ZZEF1: variants seen among roughly 807,000 people sequenced by gnomAD.
The protein encoded by ZZEF1 is zinc finger ZZ-type and EF-hand domain-containing protein 1.
In ZZEF1, 157 loss-of-function variants were observed where a neutral mutation model predicts 342.8. The ratio of observed to expected loss-of-function variants is 0.46; its 90% CI spans 0.40 to 0.52. The LOEUF (loss-of-function observed/expected upper bound fraction) is 0.52. Among genes scored for constraint, ZZEF1 ranks in the 20% least tolerant of loss-of-function variants. The pLI, the probability that ZZEF1 is intolerant of heterozygous loss-of-function variation, is 0.00. For missense variants in ZZEF1, 3,480 were observed against 3,725.6 expected, an observed-to-expected ratio of 0.93 and a Z score of 1.72; for synonymous variants, 1,505 against 1,429.1, an observed-to-expected ratio of 1.05 and a Z score of -1.20.
intron 11 of ZZEF1, among the ~76,000 whole-genome samples, chr17:4,093,456 T>C (rs754584729): frequency 5.9e-5 from 9 of 152,248 alleles, no homozygotes; most frequent in African/African-American, 2.2e-4. Context: ...CCATCAACGG[T>C]ATTGTAGAGA....
At chr17:4,114,771 G>A (rs568042263) in intron 3 of ZZEF1, among the ~76,000 whole-genome samples, 1 of 152,192 alleles carries the variant, frequency 6.6e-6, no homozygotes, top group South Asian at 2.1e-4. Flanking sequence ...CTCTATCAGT[G>A]CAATTCTTTA....
In ZZEF1 at chr17:4,142,800, GCC is replaced by G; in HGVS notation, c.94_95del (p.Gly32HisfsTer81). 7.1e-7 allele frequency: 1 copy of G among 1,408,034 alleles called. No homozygotes were observed. Among genetic ancestry groups the G allele is most frequent in the Non-Finnish European group, 9.1e-7 (1 of 1,093,052 alleles). The allele number at this position is 1,408,034 out of a possible 1,614,324, so 87.2% of individuals were successfully genotyped here. ...CCGCGACGCCCGGGCCGGGGGTCGT[GCC>G]CGAGACCGCGGCCCAGTCCTGGTGT... ...GPHQDWAAVSGTTPGPGVAAP... is the reference protein window; with the variant it reads ...GPHQDWAAVSXTTPGPGVAAP... On this transcript the variant is annotated frameshift_variant, in exon 1 of 55. Transcript: ENST00000381638. LOFTEE classifies it high-confidence loss of function.
chr17:4,094,980 A>G (rs908666553), intron 11 of ZZEF1, among the ~76,000 whole-genome samples: 6 of 152,288 alleles, frequency 3.9e-5, no homozygotes, highest in African/African-American at 1.4e-4. Flanking sequence ...TTTTCTGGAA[A>G]TGCCTCAACA....
At chr17:4,056,144 C>CA in intron 33 of ZZEF1, 72 bp downstream of exon 33, 1 of 1,383,032 alleles carries the variant, frequency 7.2e-7, no homozygotes, top group Non-Finnish European at 9.5e-7. Flanking sequence ...CCTGCCAGAA[C>CA]CCCCCCAGGC....
chr17:4,143,002 A>G lies in ZZEF1; in HGVS notation c.-107T>C, dbSNP rs957899497. 7.1e-6 allele frequency: 9 copies of G among 1,269,100 alleles called. No homozygotes were observed. In the African/African-American group the frequency reaches 1.4e-4, roughly 20 times the overall value. The allele number at this position is 1,269,100 out of a possible 1,614,324, so 78.6% of individuals were successfully genotyped here. A position where few individuals can be genotyped will look rare whatever the true frequency, so the allele number is the denominator to read the frequency against. On this transcript the variant is annotated 5_prime_UTR_variant, in exon 1 of 55. Transcript: ENST00000381638. ...GGCGGGCGGGGACGCGGAGGAGACG[A>G]CGGCGGCCCCTGCGGCTTCCGGCTT...
intron 40 of ZZEF1, chr17:4,033,346 TTTA>T (rs148123729): frequency 1.6e-5 from 3 of 189,074 alleles, no homozygotes; most frequent in East Asian, 1.2e-4. Flanking sequence ...TTTTCCTTCT[TTTA>T]TTATTATTAT....
rs898959230 is a variant in ZZEF1 at position 4,105,592 on chromosome 17, G to T, written c.1394+101C>A. 15 of 932,622 alleles carry T rather than the reference G, an allele frequency of 1.6e-5. 1 individual carries two copies. In the Middle Eastern group the frequency reaches 2.0e-3, roughly 126 times the overall value. The allele number at this position is 932,622 out of a possible 1,614,324, so 57.8% of individuals were successfully genotyped here. A position where few individuals can be genotyped will look rare whatever the true frequency, so the allele number is the denominator to read the frequency against. On this transcript the variant is annotated intron_variant, in intron 7 of 54. Transcript: ENST00000381638. ...AGCTGCTAAAAAGCAACCATTTTTA[G>T]TGGTGATCGTTAAAAGATTAATATA...
intron 46 of ZZEF1, 115 bp from the exon 47 acceptor site, chr17:4,018,086 C>T: frequency 7.3e-7 from 1 of 1,366,538 alleles, no homozygotes; most frequent in East Asian, 2.3e-5. Context: ...GTATCAATGA[C>T]ATTATCATAT....
chr17:4,031,294 CA>C (rs1309105088), intron 42 of ZZEF1, among the ~76,000 whole-genome samples: 1 of 140,818 alleles, frequency 7.1e-6, no homozygotes, highest in Non-Finnish European at 1.5e-5. Context: ...CCAGCCTGGG[CA>C]ACAGAGTGAG....
chr17:4,017,723 G>C lies in ZZEF1; in HGVS notation c.7649C>G (p.Pro2550Arg). ...DMIILPCLSR[P>R]ARCDQATAES... The stretch of plus-strand genomic sequence containing the variant: ...AGCAGTGGCTTGGTCACAGCGTGCA[G>C]GCCGGGACTGCAAACCCAAGACCAC... Residue 2550 changes from proline (P) to arginine (R), a missense_variant, in exon 48 of 55, where the codon CCT (proline) becomes CGT (arginine). Coordinates refer to ENST00000381638, the MANE Select transcript of ZZEF1 (RefSeq NM_015113.4). This position sits in a 1 kb window ranked among gnomAD's most constrained non-coding sequence, Gnocchi z 5.1. 6.2e-7 allele frequency: 1 copy of C among 1,611,888 alleles called. No individual in the cohort carries two copies. The highest frequency in any genetic ancestry group is 1.1e-5 in the South Asian group (1 of 91,036).
At chr17:4,121,661 A>G (rs2058484788) in intron 2 of ZZEF1, among the ~76,000 whole-genome samples, 1 of 152,120 alleles carries the variant, frequency 6.6e-6, no homozygotes, top group African/African-American at 2.4e-5. Flanking sequence ...CCATGAGACT[A>G]GGGAAAAAGT....
chr17:4,076,603 A>G, intron 21 of ZZEF1, 34 bp downstream of exon 21: 1 of 1,591,086 alleles, frequency 6.3e-7, no homozygotes, highest in Non-Finnish European at 8.6e-7. Flanking sequence ...CCTGAGAGAG[A>G]ACACGGGGCG....
chr17:4,109,505 G>T, intron 6 of ZZEF1, 148 bp downstream of exon 6: 1 of 731,824 alleles, frequency 1.4e-6, no homozygotes, highest in Non-Finnish European at 2.3e-6. Flanking sequence ...GAGCTGAGTG[G>T]CACGAACAGG....
chr17:4,070,940 A>G lies in ZZEF1; in HGVS notation c.3835-16T>C. On this transcript the variant is annotated splice_polypyrimidine_tract_variant and intron_variant, in intron 25 of 54. Transcript: ENST00000381638. ...TGTTCTTAACCTGGAAACAAAAAAT[A>G]AACCCATCACATTTAACACATTCAT... 6.2e-7 allele frequency: 1 copy of G among 1,607,078 alleles called. No individual in the cohort carries two copies. The highest frequency in any genetic ancestry group is 8.5e-7 in the Non-Finnish European group (1 of 1,177,288).
At chr17:4,112,575 C>T in intron 5 of ZZEF1, 34 bp downstream of exon 5, 1 of 1,610,832 alleles carries the variant, frequency 6.2e-7, no homozygotes, top group Admixed American at 1.7e-5. Flanking sequence ...TACTCCCTTG[C>T]TTTTCCCTAT....
At position 4,051,026 on chromosome 17, in the gene ZZEF1, C is replaced by A. The variant is rs957577763; in HGVS notation, c.5618G>T (p.Ser1873Ile). The A allele has an allele frequency of 3.1e-6, 5 of 1,614,170 alleles. 1 individual carries two copies. In the South Asian group the frequency reaches 5.5e-5, roughly 18 times the overall value. The change falls in exon 36 of 55, where the codon AGC becomes ATC. Residue 1873 changes from serine (S) to isoleucine (I), a missense_variant. Ser to Ile is a moderately radical substitution (Grantham distance 142). Around this residue, in one of 5 missense-constraint regions of ZZEF1, gnomAD observed 175 missense variants for 254.6 expected, o/e 0.69. Coordinates refer to ENST00000381638, the MANE Select transcript of ZZEF1 (RefSeq NM_015113.4). ...KYSYGHLPTH[S>I]ITAHPMVTIR... is the part of the protein sequence containing the mutation. ...GGTTACCATTGGGTGGGCCGTGATG[C>A]TGTGGGTAGGCAAATGGCTGCAAAG...
chr17:4,078,482 G>T (rs976907726), intron 18 of ZZEF1, among the ~76,000 whole-genome samples: 4 of 152,194 alleles, frequency 2.6e-5, no homozygotes, highest in Non-Finnish European at 5.9e-5. Flanking sequence ...TCCAGATACG[G>T]AAGATTGTAC....
chr17:4,023,009 T>C (rs1316882125), intron 43 of ZZEF1, among the ~76,000 whole-genome samples, 181 bp from the exon 44 acceptor site: 1 of 152,166 alleles, frequency 6.6e-6, no homozygotes, highest in East Asian at 1.9e-4. Context: ...TCTGGGGCTC[T>C]TTAGGCTAAA....
chr17:4,010,170 AAAAC>A (rs964701788), intron 52 of ZZEF1, among the ~76,000 whole-genome samples: 45 of 151,560 alleles, frequency 3.0e-4, no homozygotes, highest in Admixed American at 1.4e-3. Flanking sequence ...CAAAAAATTA[AAAAC>A]AAACAAACAA....
Sources: gnomAD v4.1 joint callset for allele counts (sites outside exome capture counted in the v4.1 genomes callset) on GRCh38, gnomAD v4.1.1 for gene constraint, gnomAD v4.1.1 regional missense constraint, Gnocchi (gnomAD v3.1) non-coding constraint, MANE v1.5 for transcripts, NCBI Gene and HGNC (gene_info 2026-07-23, HGNC 2026-07-21) for gene names.